Variants in ABCF2 observed in about 807,000 individuals in gnomAD.
The protein encoded by ABCF2 is ATP-binding cassette sub-family F member 2.
A neutral mutation model predicts 76.9 loss-of-function variants in ABCF2; 37 were observed. The observed-to-expected ratio is 0.48, with a 90% CI of 0.37 to 0.63. ABCF2 has a LOEUF of 0.63. Among genes scored for constraint, ABCF2 ranks in the 30% least tolerant of loss-of-function variants. ABCF2 has a pLI of 0.00. For missense variants in ABCF2, 524 were observed against 782.1 expected, an observed-to-expected ratio of 0.67 and a Z score of 3.94; for synonymous variants, 299 against 283.7, an observed-to-expected ratio of 1.05 and a Z score of -0.54.
chr7:151,227,053 C>T (rs2150577709), intron 1 of ABCF2, 110 bp downstream of exon 1: 1 of 145,624 alleles, frequency 6.9e-6, no homozygotes, highest in African/African-American at 2.5e-5. Flanking sequence ...GCCCTATCTT[C>T]CCCCTCGCAG....
intron 11 of ABCF2, 144 bp from the exon 12 acceptor site, chr7:151,216,173 A>C (rs1584839548): frequency 1.5e-6 from 1 of 667,508 alleles, no homozygotes; most frequent in African/African-American, 1.8e-5. Flanking sequence ...GCACACTGCT[A>C]TTCTGGCCAC....
intron 7 of ABCF2, among the ~76,000 whole-genome samples, 165 bp from the exon 8 acceptor site, chr7:151,219,324 C>T (rs1802220412): frequency 6.6e-6 from 1 of 152,206 alleles, no homozygotes; most frequent in Admixed American, 6.5e-5. Flanking sequence ...ATCCTAACAT[C>T]AAATCGGAGT....
Position 151,223,780 on chromosome 7 carries a change from C to G in ABCF2, c.620G>C (p.Arg207Thr), listed in dbSNP as rs1483276316. Residue 207 changes from arginine (R) to threonine (T), a missense_variant, in exon 5 of 15, where the codon AGG becomes ACG. Transcript: ENST00000287844. ...CAGTCCATGCAAGATCCGCGAGGCC[C>G]TCATCTCTGCCTTGTCGGCATCCAG... ...EELDADKAEMRASRILHGLGF... is the reference protein window; with the variant it reads ...EELDADKAEMTASRILHGLGF... 6.2e-7 allele frequency: 1 copy of G among 1,613,764 alleles called. No individual in the cohort carries two copies.
At chr7:151,222,729 T>C in intron 5 of ABCF2, 113 bp from the exon 6 acceptor site, 1 of 759,860 alleles carries the variant, frequency 1.3e-6, no homozygotes, top group East Asian at 2.8e-5. Context: ...GCTTGAGTCT[T>C]GAAATCAATT....
In ABCF2 at chr7:151,212,321, G is replaced by C. The variant is rs968533303; in HGVS notation, c.*1733C>G. Reference sequence around the variant, plus strand: ...AGGTATGCAGAGCCCTGGGCTGGAAGTGAATTCAACAGTGATGATAACTAT... The same window carrying C: ...AGGTATGCAGAGCCCTGGGCTGGAACTGAATTCAACAGTGATGATAACTAT... On this transcript the variant is annotated 3_prime_UTR_variant, in exon 15 of 15. Transcript: ENST00000287844. The C allele has an allele frequency of 1.3e-5, 13 of 985,466 alleles. No homozygotes were observed. Among genetic ancestry groups the C allele is most frequent in the Non-Finnish European group, 1.6e-5 (13 of 829,932 alleles). The allele number at this position is 985,466 out of a possible 1,614,324, so 61.0% of individuals were successfully genotyped here.
At position 151,212,746 on chromosome 7, in the gene ABCF2, C is replaced by T. The variant is rs558274591; in HGVS notation, c.*1308G>A. The T allele has an allele frequency of 1.9e-4, 30 of 157,062 alleles. No individual in the cohort carries two copies. The highest frequency in any genetic ancestry group is 6.7e-3 in the Middle Eastern group (2 of 300). 9.7% of individuals were successfully genotyped at this position (157,062 alleles called of 1,614,324 possible). A position where few individuals can be genotyped will look rare whatever the true frequency, so the allele number is the denominator to read the frequency against. ...GCTCAATTGATCCTCCTACAGTGGC[C>T]TCCCAAGGTGATGAGCTTACAGTCG... is the stretch of plus-strand genomic sequence containing the variant. On this transcript the variant is annotated 3_prime_UTR_variant, in exon 15 of 15. Transcript: ENST00000287844.
Position 151,215,051 on chromosome 7 carries a change from T to A in ABCF2, c.1562A>T (p.Gln521Leu). 1 of 1,614,086 alleles carries A rather than the reference T, an allele frequency of 6.2e-7. No homozygotes were observed. Among genetic ancestry groups the A allele is most frequent in the Middle Eastern group, 1.6e-4 (1 of 6,062 alleles). The change falls in exon 14 of 15, where the codon CAG becomes CTG. Residue 521 changes from glutamine to leucine, a missense_variant. By Grantham distance (113) the Gln-to-Leu change is moderately radical (BLOSUM62 -2). This residue lies in a region of ABCF2 where 194 missense variants were observed against 348.6 expected (regional missense o/e 0.56). Transcript: ENST00000287844. The surrounding 1 kb of genome is among the most constrained non-coding windows in gnomAD (Gnocchi z 4.6). ...VSPIRNLSDG[Q>L]KCRVCLAWLA... ...CCAGGCCAGACACACTCGGCACTTC[T>A]GCCCGTCTGACAAGTTCCGGATTGG...
At chr7:151,224,519 T>A (rs1419008804) in intron 3 of ABCF2, among the ~76,000 whole-genome samples, 1 of 152,168 alleles carries the variant, frequency 6.6e-6, no homozygotes, top group Non-Finnish European at 1.5e-5. Context: ...GGATTAGGGA[T>A]GCTCAGCCGG....
intron 3 of ABCF2, 41 bp downstream of exon 3, chr7:151,224,735 C>T: frequency 6.5e-7 from 1 of 1,540,638 alleles, no homozygotes; most frequent in South Asian, 1.1e-5. Flanking sequence ...GACAGATGAG[C>T]TAAGGAGAGA....
At position 151,214,764 on chromosome 7, in the gene ABCF2, T is replaced by A; in HGVS notation, c.1734+115A>T. 1 of 1,002,598 alleles carries A rather than the reference T, an allele frequency of 1.0e-6. No individual in the cohort carries two copies. Among genetic ancestry groups the A allele is most frequent in the South Asian group, 1.5e-5 (1 of 67,248 alleles). 62.1% of individuals were successfully genotyped at this position (1,002,598 alleles called of 1,614,324 possible). A position where few individuals can be genotyped will look rare whatever the true frequency, so the allele number is the denominator to read the frequency against. The stretch of plus-strand genomic sequence containing the variant: ...GTCCTCACCACCTGTGTCTACACTC[T>A]GAGCCCCTTCTCTTAATTCAGTAGG... On this transcript the variant is annotated intron_variant, in intron 14 of 14. Coordinates refer to ENST00000287844, the MANE Select transcript of ABCF2 (RefSeq NM_007189.3). The surrounding 1 kb of genome is among the most constrained non-coding windows in gnomAD (Gnocchi z 4.9).
chr7:151,215,058 C>CT lies in ABCF2; in HGVS notation c.1554dup (p.Asp519ArgfsTer24). 1 of 1,613,936 alleles carries CT rather than the reference C, an allele frequency of 6.2e-7. No individual in the cohort carries two copies. The highest frequency in any genetic ancestry group is 8.5e-7 in the Non-Finnish European group (1 of 1,179,922). ...AGACACACTCGGCACTTCTGCCCGT[C>CT]TGACAAGTTCCGGATTGGGCTCACC... On this transcript the variant is annotated frameshift_variant, in exon 14 of 15. Coordinates refer to ENST00000287844, the MANE Select transcript of ABCF2 (RefSeq NM_007189.3). LOFTEE classifies it high-confidence loss of function. This position sits in a 1 kb window ranked among gnomAD's most constrained non-coding sequence, Gnocchi z 4.6.
In ABCF2 at chr7:151,224,832, G is replaced by A. The variant is rs762114784; in HGVS notation, c.311C>T (p.Thr104Ile). The A allele has an allele frequency of 6.2e-7, 1 of 1,614,178 alleles. No homozygotes were observed. The highest frequency in any genetic ancestry group is 2.2e-5 in the East Asian group (1 of 44,888). Residue 104 changes from threonine to isoleucine, a missense_variant, in exon 3 of 15, where the codon ACC becomes ATC. Thr to Ile is a moderately conservative substitution (Grantham distance 89). Around this residue, in one of 2 missense-constraint regions of ABCF2, gnomAD observed 330 missense variants for 433.6 expected, o/e 0.76. Transcript: ENST00000287844. ...TFHGQELLSD[T>I]KLELNSGRRY... ...ACGGCCTGAGTTTAATTCCAGTTTGGTGTCACTGAGCAGCTCTTGACCATG... is the reference window on the plus strand; with the variant it reads ...ACGGCCTGAGTTTAATTCCAGTTTGATGTCACTGAGCAGCTCTTGACCATG...
At chr7:151,226,749 T>C (rs1584848569) in intron 1 of ABCF2, 2 of 285,758 alleles carry the variant, frequency 7.0e-6, no homozygotes, top group African/African-American at 2.2e-5. Context: ...TTGGAAACGC[T>C]CCTTCTTTCA....
chr7:151,216,068 G>T (rs1346367892), intron 11 of ABCF2, 39 bp from the exon 12 acceptor site: 2 of 1,562,512 alleles, frequency 1.3e-6, no homozygotes, highest in African/African-American at 3.3e-5. Flanking sequence ...ATGAAACAAA[G>T]GAAGCCCAGT....
Position 151,214,124 on chromosome 7 carries a change from T to A in ABCF2, c.1802A>T (p.Tyr601Phe). Residue 601 changes from tyrosine to phenylalanine, a missense_variant, in exon 15 of 15, where the codon TAC becomes TTC. By Grantham distance (22) the Tyr-to-Phe change is conservative. Transcript: ENST00000287844. The surrounding 1 kb of genome is among the most constrained non-coding windows in gnomAD (Gnocchi z 4.9). ...CAGCTTGGACTTGAGGTGCTCCTTG[T>A]AAGCCAGGATGTCTCCAGGCCACTT... Reference protein sequence around the residue: ...ITKWPGDILAYKEHLKSKLVD... With the variant: ...ITKWPGDILAFKEHLKSKLVD... 6.2e-7 allele frequency: 1 copy of A among 1,614,190 alleles called. No individual in the cohort carries two copies.
rs1802139867 is a variant in ABCF2, at chr7:151,215,842, G to A, written c.1402-110C>T. Reference sequence around the variant, plus strand: ...CAGGCACCTGTTCTGGGTTCAAGAAGCAGGTAGGAGCCACCTAGGCTGGAA... The same window carrying A: ...CAGGCACCTGTTCTGGGTTCAAGAAACAGGTAGGAGCCACCTAGGCTGGAA... On this transcript the variant is annotated intron_variant, in intron 12 of 14. Transcript: ENST00000287844. The surrounding 1 kb of genome is among the most constrained non-coding windows in gnomAD (Gnocchi z 4.6). 1 of 1,588,764 alleles carries A rather than the reference G, an allele frequency of 6.3e-7. No homozygotes were observed. Among genetic ancestry groups the A allele is most frequent in the Admixed American group, 1.7e-5 (1 of 57,638 alleles).
In ABCF2 at chr7:151,213,956, G is replaced by C; in HGVS notation, c.*98C>G. 6.5e-7 allele frequency: 1 copy of C among 1,550,152 alleles called. No homozygotes were observed. Among genetic ancestry groups the C allele is most frequent in the Non-Finnish European group, 8.7e-7 (1 of 1,155,284 alleles). On this transcript the variant is annotated 3_prime_UTR_variant, in exon 15 of 15. Coordinates refer to ENST00000287844, the MANE Select transcript of ABCF2 (RefSeq NM_007189.3). ...GCTGGGGGAGCAGTATTGCAGCAAT[G>C]CAGGAGTGTAGCCCCAGGGTCCTGT... is the stretch of plus-strand genomic sequence containing the variant.
chr7:151,224,299 A>G (rs765877823), intron 3 of ABCF2, among the ~76,000 whole-genome samples, 185 bp from the exon 4 acceptor site: 1 of 151,516 alleles, frequency 6.6e-6, no homozygotes, highest in Non-Finnish European at 1.5e-5. Flanking sequence ...CTTTCCTCCA[A>G]TTCTTGCCCC....
In ABCF2 at chr7:151,215,200, G is replaced by A. The variant is rs568961297; in HGVS notation, c.1531-118C>T. ...AGCATCGCCATTTATAAAAAGTGAG[G>A]CTCAGAGAGACCCACTAGTCTCTTG... is the stretch of plus-strand genomic sequence containing the variant. On this transcript the variant is annotated intron_variant, in intron 13 of 14. Transcript: ENST00000287844. This position sits in a 1 kb window ranked among gnomAD's most constrained non-coding sequence, Gnocchi z 4.6. The A allele has an allele frequency of 1.4e-5, 14 of 1,022,814 alleles. No homozygotes were observed. The highest frequency in any genetic ancestry group is 1.7e-5 in the Non-Finnish European group (12 of 689,300). 63.4% of individuals were successfully genotyped at this position (1,022,814 alleles called of 1,614,324 possible).
Sources: gnomAD v4.1 joint callset for allele counts (sites outside exome capture counted in the v4.1 genomes callset) on GRCh38, gnomAD v4.1.1 for gene constraint, gnomAD v4.1.1 regional missense constraint, Gnocchi (gnomAD v3.1) non-coding constraint, MANE v1.5 for transcripts, NCBI Gene and HGNC (gene_info 2026-07-23, HGNC 2026-07-21) for gene names.